The following XRCC4 variants were observed in gnomAD, a reference collection of about 807,000 sequenced individuals.
XRCC4 encodes X-ray repair cross complementing 4, also known as DNA repair protein XRCC4.
XRCC4 carries 28 observed loss-of-function variants against 39.1 expected under a neutral mutation model. That is an observed-to-expected ratio of 0.72 (90% CI 0.53 to 0.98). The LOEUF is 0.98. Ranked by LOEUF, XRCC4 falls within the 50% of genes least tolerant of loss-of-function variation. The pLI, the probability that XRCC4 is intolerant of heterozygous loss-of-function variation, is 0.00. For synonymous variants in XRCC4, 123 were observed against 126.4 expected, an observed-to-expected ratio of 0.97 and a Z score of 0.18; for missense variants, 350 against 376.4, an observed-to-expected ratio of 0.93 and a Z score of 0.58.
chr5:83,194,749 C>G (rs2112697569), intron 3 of XRCC4, among the ~76,000 whole-genome samples: 1 of 152,248 alleles, frequency 6.6e-6, no homozygotes, highest in Admixed American at 6.5e-5. Context: ...GGTTCTGAAC[C>G]TAATTCTTCC....
chr5:83,238,595 T>C lies in XRCC4; in HGVS notation c.746-19935T>C, dbSNP rs903454635. ...AATATTAAAGAATAAGATAAAAATATATAGTAATAAACACTAATAATTACT... is the reference window on the plus strand; with the variant it reads ...AATATTAAAGAATAAGATAAAAATACATAGTAATAAACACTAATAATTACT... On this transcript the variant is annotated intron_variant, in intron 6 of 7. Transcript: ENST00000396027. 2.0e-4 allele frequency among the ~76,000 whole-genome samples: 30 copies of C among 152,092 alleles called. 2 individuals carry two copies. Among genetic ancestry groups the C allele is most frequent in the Non-Finnish European group, 1.5e-5 (1 of 68,008 alleles).
At chr5:83,099,170 A>G (rs1237353114) in intron 1 of XRCC4, among the ~76,000 whole-genome samples, 2 of 152,184 alleles carry the variant, frequency 1.3e-5, no homozygotes, top group Non-Finnish European at 2.9e-5. Context: ...GTATCAGCCT[A>G]CTTTTCTCAA....
intron 6 of XRCC4, among the ~76,000 whole-genome samples, chr5:83,215,685 A>G (rs561494842): frequency 7.9e-5 from 12 of 152,384 alleles, no homozygotes; most frequent in South Asian, 4.1e-4. Flanking sequence ...TTTACGGTCA[A>G]TTGGTCCTCA....
rs1014503976 is a variant in XRCC4, at chr5:83,309,670, G to A, written c.894-43461G>A. On this transcript the variant is annotated intron_variant, in intron 7 of 7. Transcript: ENST00000396027. Reference sequence around the variant, plus strand: ...TCCCAGCTACTCAGGAGGCTGAGGCGGGAGAATGGCGTGAACCCGGGAGGC... The same window carrying A: ...TCCCAGCTACTCAGGAGGCTGAGGCAGGAGAATGGCGTGAACCCGGGAGGC... Among the ~76,000 whole-genome samples, 9 of 150,100 alleles carry A rather than the reference G, an allele frequency of 6.0e-5. No homozygotes were observed. The East Asian group carries it at 1.2e-3, about 20-fold the overall frequency.
At chr5:83,358,240 C>T (rs1359874990), downstream of XRCC4, among the ~76,000 whole-genome samples, 1 of 152,118 alleles carries the variant, frequency 6.6e-6, no homozygotes, top group African/African-American at 2.4e-5. Context: ...TTTATGGTTG[C>T]TTCATTAACT....
At chr5:83,196,353 G>A (rs1359604579) in intron 4 of XRCC4, among the ~76,000 whole-genome samples, 1 of 151,980 alleles carries the variant, frequency 6.6e-6, no homozygotes, top group Admixed American at 6.6e-5. Context: ...AAATTACAGT[G>A]TTTTGGCTCC....
intron 6 of XRCC4, among the ~76,000 whole-genome samples, chr5:83,227,743 C>T (rs1348699537): frequency 1.3e-5 from 2 of 152,038 alleles, no homozygotes; most frequent in Non-Finnish European, 2.9e-5. Flanking sequence ...TGTCATCATG[C>T]ACTCAAGTTC....
At chr5:83,241,533 CAT>C (rs769197481) in intron 6 of XRCC4, among the ~76,000 whole-genome samples, 18 of 152,008 alleles carry the variant, frequency 1.2e-4, no homozygotes, top group Non-Finnish European at 2.5e-4. Flanking sequence ...TCAAAAGTGT[CAT>C]ATACTCTAGA....
chr5:83,150,871 A>AT (rs1187099823), intron 3 of XRCC4, among the ~76,000 whole-genome samples: 6 of 152,216 alleles, frequency 3.9e-5, no homozygotes, highest in Admixed American at 6.5e-5. Flanking sequence ...GGTCAAGAGG[A>AT]TTTTTTATAT....
At chr5:83,143,437 A>G (rs10055948) in intron 3 of XRCC4, among the ~76,000 whole-genome samples, 73,598 of 151,946 alleles carry the variant, frequency 0.48, 18,784 homozygotes, top group African/African-American at 0.63. Flanking sequence ...AAATTATGTA[A>G]CAATCTAAAC....
At chr5:83,324,657 A>T (rs1756188120) in intron 7 of XRCC4, among the ~76,000 whole-genome samples, 1 of 152,124 alleles carries the variant, frequency 6.6e-6, no homozygotes, top group South Asian at 2.1e-4. Context: ...GAAGACAGAC[A>T]CATACTTGAA....
intron 7 of XRCC4, among the ~76,000 whole-genome samples, chr5:83,315,353 A>G (rs183040880): frequency 1.3e-3 from 200 of 152,256 alleles, no homozygotes; most frequent in African/African-American, 4.6e-3. Context: ...AAGGTGAAGC[A>G]ATGAGTGCCA....
intron 7 of XRCC4, among the ~76,000 whole-genome samples, chr5:83,327,414 C>G (rs1756298856): frequency 6.6e-6 from 1 of 151,828 alleles, no homozygotes; most frequent in Admixed American, 6.6e-5. Context: ...GGGGATGTAC[C>G]ACAGTTTGTT....
At chr5:83,129,292 G>A (rs1168575718) in intron 3 of XRCC4, among the ~76,000 whole-genome samples, 4 of 150,252 alleles carry the variant, frequency 2.7e-5, no homozygotes, top group African/African-American at 9.9e-5. Context: ...TTGTAGATGT[G>A]TGGTATTATT....
At chr5:83,227,583 AGGTAGTT>A (rs1413185834) in intron 6 of XRCC4, among the ~76,000 whole-genome samples, 3 of 152,174 alleles carry the variant, frequency 2.0e-5, no homozygotes. Flanking sequence ...CGTTATCTAA[AGGTAGTT>A]GTTAGCTTGT....
chr5:83,299,569 A>G (rs1489746603), intron 7 of XRCC4, among the ~76,000 whole-genome samples: 2 of 151,274 alleles, frequency 1.3e-5, no homozygotes, highest in Non-Finnish European at 3.0e-5. Flanking sequence ...ATGTATTTTA[A>G]CCTCTCTTTT....
chr5:83,243,433 A>G (rs1026806572), intron 6 of XRCC4, among the ~76,000 whole-genome samples: 8 of 152,324 alleles, frequency 5.3e-5, no homozygotes, highest in African/African-American at 1.9e-4. Flanking sequence ...TCTTCTCTGT[A>G]CATACACTTC....
intron 7 of XRCC4, among the ~76,000 whole-genome samples, chr5:83,263,436 G>T (rs1214542788): frequency 6.6e-6 from 1 of 150,708 alleles, no homozygotes; most frequent in Non-Finnish European, 1.5e-5. Context: ...TTCCACAATG[G>T]TTGAACTAGT....
At chr5:83,281,898 G>C (rs1407172382) in intron 7 of XRCC4, among the ~76,000 whole-genome samples, 1 of 152,168 alleles carries the variant, frequency 6.6e-6, no homozygotes, top group Admixed American at 6.5e-5. Flanking sequence ...CTTTTGATTA[G>C]CTACCTTCTA....
Sources: gnomAD v4.1 joint callset for allele counts (sites outside exome capture counted in the v4.1 genomes callset) on GRCh38, gnomAD v4.1.1 for gene constraint, MANE v1.5 for transcripts, NCBI Gene and HGNC (gene_info 2026-07-23, HGNC 2026-07-21) for gene names.